Variants in WDR27 observed in about 807,000 individuals in gnomAD.
WDR27 encodes WD repeat-containing protein 27.
In WDR27, 100 loss-of-function variants were observed where a neutral mutation model predicts 114.4. The ratio of observed to expected loss-of-function variants is 0.87; its 90% CI spans 0.74 to 1.03. The LOEUF is 1.03. WDR27 is among the 50% of genes least tolerant of loss of function. The pLI is 0.00. For synonymous variants in WDR27, 449 were observed against 423.1 expected (o/e 1.06, Z -0.75); for missense variants, 1,129 against 1,092.9 (o/e 1.03, Z -0.47).
At chr6:169,624,060 C>G (rs937401792) in intron 21 of WDR27, among the ~76,000 whole-genome samples, 1 of 151,436 alleles carries the variant, frequency 6.6e-6, no homozygotes, top group Admixed American at 6.6e-5. Context: ...TCAGGTGTGC[C>G]GTGTGTGGGG....
At chr6:169,454,045 GTT>G (rs2115232811), downstream of WDR27, among the ~76,000 whole-genome samples, 2 of 152,266 alleles carry the variant, frequency 1.3e-5, no homozygotes, top group South Asian at 4.1e-4. Flanking sequence ...ATAAAATTAA[GTT>G]GGGAACATAC....
the WDR27 span, among the ~76,000 whole-genome samples, chr6:169,443,926 G>T: frequency 2.0e-5 from 3 of 152,152 alleles, no homozygotes; most frequent in Non-Finnish European, 4.4e-5. Flanking sequence ...AGGCACGTAG[G>T]GATGTCGATT....
intron 22 of WDR27, among the ~76,000 whole-genome samples, chr6:169,610,616 G>A (rs1358450268): frequency 6.6e-6 from 1 of 152,162 alleles, no homozygotes; most frequent in African/African-American, 2.4e-5. Context: ...TACAAGTCAA[G>A]ATGAGATTTG....
rs901545335 is a variant in WDR27 at position 169,638,045 on chromosome 6, G to A, written c.1869+494C>T. On this transcript the variant is annotated intron_variant, in intron 18 of 25. Transcript: ENST00000448612. Reference sequence around the variant, plus strand: ...TTTAAGAAACTAATTGGCCGGGCGCGGTGGCTCACGCCTGTAATCCCAGCA... The same window carrying A: ...TTTAAGAAACTAATTGGCCGGGCGCAGTGGCTCACGCCTGTAATCCCAGCA... Among the ~76,000 whole-genome samples the A allele has an allele frequency of 1.6e-4, 13 of 79,688 alleles. 2 individuals are homozygous for A. The Middle Eastern group carries it at 0.026, about 159-fold the overall frequency. 52.3% of individuals were successfully genotyped at this position (79,688 alleles called of 152,430 possible).
chr6:169,681,947 G>A (rs752217570), intron 2 of WDR27, among the ~76,000 whole-genome samples: 1 of 152,088 alleles, frequency 6.6e-6, no homozygotes, highest in Non-Finnish European at 1.5e-5. Flanking sequence ...CCCACCCACA[G>A]CAGATCATAA....
chr6:169,557,156 C>T (rs559981176), intron 25 of WDR27, among the ~76,000 whole-genome samples: 2 of 152,344 alleles, frequency 1.3e-5, no homozygotes, highest in African/African-American at 4.8e-5. Flanking sequence ...AGATCCCCAA[C>T]TGAGGGCTGG....
intron 3 of WDR27, chr6:169,670,990 A>G (rs1778588690): frequency 3.5e-6 from 1 of 285,072 alleles, no homozygotes; most frequent in Non-Finnish European, 6.5e-6. Context: ...ATCAAACTGC[A>G]TGTTTCGATG....
chr6:169,516,471 G>T (rs2997888), intron 25 of WDR27, among the ~76,000 whole-genome samples: 15 of 152,094 alleles, frequency 9.9e-5, no homozygotes, highest in African/African-American at 1.7e-4. Context: ...ACTCCTCCAG[G>T]GGGGCTAATT....
At chr6:169,548,270 C>T (rs1197374983) in intron 25 of WDR27, among the ~76,000 whole-genome samples, 3 of 152,152 alleles carry the variant, frequency 2.0e-5, no homozygotes, top group Non-Finnish European at 4.4e-5. Context: ...TCGATCTACA[C>T]ATTCAGTGCA....
intron 24 of WDR27, among the ~76,000 whole-genome samples, chr6:169,578,800 C>G (rs534742030): frequency 3.3e-5 from 5 of 152,174 alleles, no homozygotes; most frequent in Non-Finnish European, 5.9e-5. Context: ...CCCAAGCAAC[C>G]TTGTAAAATA....
chr6:169,582,632 G>C (rs930437291), intron 24 of WDR27, among the ~76,000 whole-genome samples: 4 of 152,028 alleles, frequency 2.6e-5, no homozygotes, highest in Non-Finnish European at 2.9e-5. Context: ...AACTTTTCCA[G>C]ATTCATTTCT....
intron 1 of WDR27, among the ~76,000 whole-genome samples, chr6:169,689,899 C>T (rs13215927): frequency 0.041 from 6,238 of 152,238 alleles, 188 homozygotes; most frequent in South Asian, 0.068. Flanking sequence ...TTCAGAGGAT[C>T]CACCCATGTG....
chr6:169,654,037 G>A (rs1430118624), intron 13 of WDR27, among the ~76,000 whole-genome samples: 2 of 152,172 alleles, frequency 1.3e-5, no homozygotes, highest in Non-Finnish European at 2.9e-5. Context: ...AGAACACAGT[G>A]CACTTCATTC....
intron 21 of WDR27, among the ~76,000 whole-genome samples, chr6:169,632,332 C>A (rs1345541050): frequency 2.0e-5 from 3 of 152,108 alleles, no homozygotes; most frequent in Non-Finnish European, 4.4e-5. Context: ...TAAGTTAAAT[C>A]CTCAACTTGG....
At chr6:169,582,810 G>A (rs762380489) in intron 24 of WDR27, 26 bp downstream of exon 24, 12 of 1,584,172 alleles carry the variant, frequency 7.6e-6, no homozygotes, top group African/African-American at 1.3e-5. Context: ...CAGCAGAGGC[G>A]CCCCACCCAC....
intron 19 of WDR27, among the ~76,000 whole-genome samples, chr6:169,635,267 C>T (rs1817401866): frequency 6.6e-6 from 1 of 152,172 alleles, no homozygotes; most frequent in Non-Finnish European, 1.5e-5. Context: ...CGCCTGTAAT[C>T]CCAGCCACTT....
At chr6:169,615,354 T>C (rs1005572311) in intron 21 of WDR27, among the ~76,000 whole-genome samples, 2 of 152,118 alleles carry the variant, frequency 1.3e-5, no homozygotes, top group East Asian at 3.9e-4. Flanking sequence ...AATAGCTGTG[T>C]TTTCTGCTCC....
chr6:169,589,078 C>A (rs984557745), intron 23 of WDR27, among the ~76,000 whole-genome samples: 2 of 152,282 alleles, frequency 1.3e-5, no homozygotes, highest in Non-Finnish European at 2.9e-5. Flanking sequence ...TTTCCAAAAC[C>A]ATCTTTGCTT....
At chr6:169,563,289 A>T (rs1344478028) in intron 25 of WDR27, among the ~76,000 whole-genome samples, 3 of 152,096 alleles carry the variant, frequency 2.0e-5, no homozygotes, top group Non-Finnish European at 2.9e-5. Context: ...GAAGAAATGG[A>T]GTCGGTGAAA....
Sources: gnomAD v4.1 joint callset for allele counts (sites outside exome capture counted in the v4.1 genomes callset) on GRCh38, gnomAD v4.1.1 for gene constraint, MANE v1.5 for transcripts, NCBI Gene and HGNC (gene_info 2026-07-23, HGNC 2026-07-21) for gene names.